Variants in FRMD5 observed in about 807,000 individuals in gnomAD.
FRMD5 encodes the protein FERM domain containing 5.
In FRMD5, 20 loss-of-function variants were observed where a neutral mutation model predicts 69.0. The observed-to-expected ratio is 0.29, with a 90% CI of 0.20 to 0.42. FRMD5 has a LOEUF of 0.42. Ranked by LOEUF, FRMD5 falls within the 10% of genes least tolerant of loss-of-function variation. FRMD5 has a pLI of 1.00. For missense variants in FRMD5, 595 were observed against 708.6 expected (o/e 0.84, Z 1.82); for synonymous variants, 271 against 260.1 (o/e 1.04, Z -0.40).
chr15:44,172,174 T>C (rs2077815887), intron 1 of FRMD5, among the ~76,000 whole-genome samples: 1 of 151,692 alleles, frequency 6.6e-6, no homozygotes, highest in African/African-American at 2.4e-5. Context: ...CACGGCAGCC[T>C]CGACCTCCTG....
intron 1 of FRMD5, among the ~76,000 whole-genome samples, chr15:44,194,038 C>T (rs1372483107): frequency 6.6e-6 from 1 of 152,188 alleles, no homozygotes; most frequent in African/African-American, 2.4e-5. Flanking sequence ...ATGAACTAAA[C>T]ACGGGAGCAT....
chr15:43,888,630 G>T (rs2088720976), intron 9 of FRMD5, among the ~76,000 whole-genome samples, 179 bp downstream of exon 9: 1 of 152,166 alleles, frequency 6.6e-6, no homozygotes, highest in Non-Finnish European at 1.5e-5. Context: ...CATCCCTGAG[G>T]AAGTCCTGTG....
chr15:43,964,699 C>G (rs1297501695), intron 1 of FRMD5, among the ~76,000 whole-genome samples: 1 of 152,058 alleles, frequency 6.6e-6, no homozygotes, highest in African/African-American at 2.4e-5. Flanking sequence ...AAAGCCAATT[C>G]CAGATGATGA....
At chr15:44,133,576 CAAAAA>C (rs11326330) in intron 1 of FRMD5, among the ~76,000 whole-genome samples, 1 of 86,958 alleles carries the variant, frequency 1.1e-5, no homozygotes, top group Non-Finnish European at 2.5e-5. Context: ...GAATCTGTCT[CAAAAA>C]AAAAAAAAAA....
chr15:44,153,106 T>C (rs914244974), intron 1 of FRMD5, among the ~76,000 whole-genome samples: 1 of 152,174 alleles, frequency 6.6e-6, no homozygotes, highest in African/African-American at 2.4e-5. Context: ...TTATGCACTA[T>C]TGGTGGGACT....
chr15:44,066,397 T>G (rs116815645), intron 1 of FRMD5, among the ~76,000 whole-genome samples: 1,547 of 152,170 alleles, frequency 0.01, 34 homozygotes, highest in African/African-American at 0.036. Flanking sequence ...GTGATAGGGA[T>G]TCAAAGATTG....
At chr15:44,033,549 A>G (rs753062623) in intron 1 of FRMD5, among the ~76,000 whole-genome samples, 2 of 152,208 alleles carry the variant, frequency 1.3e-5, no homozygotes, top group Non-Finnish European at 2.9e-5. Context: ...CATTGTGTAT[A>G]TTCACTTGAA....
intron 1 of FRMD5, among the ~76,000 whole-genome samples, chr15:44,185,334 GC>G (rs1039753733): frequency 6.6e-6 from 1 of 152,150 alleles, no homozygotes; most frequent in Non-Finnish European, 1.5e-5. Context: ...CTTCCAAATG[GC>G]CTCCCGAAGA....
At chr15:44,067,945 A>G (rs894920897) in intron 1 of FRMD5, among the ~76,000 whole-genome samples, 1 of 152,250 alleles carries the variant, frequency 6.6e-6, no homozygotes, top group African/African-American at 2.4e-5. Flanking sequence ...TATTTCTTCA[A>G]GTAAATACAA....
chr15:43,883,958 C>A, intron 12 of FRMD5, 149 bp from the exon 13 acceptor site: 1 of 634,206 alleles, frequency 1.6e-6, no homozygotes, highest in South Asian at 1.7e-5. Flanking sequence ...TTCTCTTTGC[C>A]TTTGGTCTCT....
chr15:44,049,094 A>C (rs768570247), intron 1 of FRMD5, among the ~76,000 whole-genome samples: 2 of 152,230 alleles, frequency 1.3e-5, no homozygotes, highest in Non-Finnish European at 2.9e-5. Flanking sequence ...GCCATGTCTT[A>C]GTTATCCATA....
At chr15:43,973,867 TCTC>T (rs1384017804) in intron 1 of FRMD5, among the ~76,000 whole-genome samples, 1 of 150,544 alleles carries the variant, frequency 6.6e-6, no homozygotes, top group African/African-American at 2.5e-5. Flanking sequence ...TTTCAAACAT[TCTC>T]CTACTAAGTC....
At chr15:44,007,697 G>A (rs575272811) in intron 1 of FRMD5, among the ~76,000 whole-genome samples, 15 of 137,696 alleles carry the variant, frequency 1.1e-4, no homozygotes, top group Admixed American at 3.8e-4. Context: ...CCAGGCTGGA[G>A]TGCAATGGCG....
Position 44,098,767 on chromosome 15 carries a change from A to G in FRMD5, c.102+96186T>C, listed in dbSNP as rs143262114. Among the ~76,000 whole-genome samples, 1,462 of 152,242 alleles carry G rather than the reference A, an allele frequency of 9.6e-3. 9 individuals are homozygous for G. The highest frequency in any genetic ancestry group is 0.024 in the Middle Eastern group (7 of 294). On this transcript the variant is annotated intron_variant, in intron 1 of 13. Transcript: ENST00000417257. ...TGCCTCCATTTTTTACATTCTCTTA[A>G]TTCCTTTAAACTTCATATATTAGAA...
At chr15:43,881,123 G>A (rs906265540) in intron 13 of FRMD5, among the ~76,000 whole-genome samples, 9 of 152,194 alleles carry the variant, frequency 5.9e-5, no homozygotes, top group African/African-American at 2.2e-4. Context: ...AAGTAGGCAT[G>A]CACAAGGCTC....
chr15:44,063,618 C>G, intron 1 of FRMD5: 1 of 515,388 alleles, frequency 1.9e-6, no homozygotes, highest in Non-Finnish European at 3.8e-6. Context: ...TCAATGATCC[C>G]TTTGTTGACC....
intron 4 of FRMD5, among the ~76,000 whole-genome samples, chr15:43,917,400 T>G (rs564435389): frequency 6.6e-6 from 1 of 151,674 alleles, no homozygotes; most frequent in Non-Finnish European, 1.5e-5. Context: ...TTGAAAAAAA[T>G]TTTTTTTTGA....
chr15:43,924,134 G>T, intron 2 of FRMD5, 71 bp downstream of exon 2: 1 of 1,157,402 alleles, frequency 8.6e-7, no homozygotes, highest in Non-Finnish European at 1.3e-6. Context: ...CTTTGAATAT[G>T]AATGACAGTT....
At chr15:44,108,965 A>AAAAATAAAATAAAAT (rs3986153) in intron 1 of FRMD5, among the ~76,000 whole-genome samples, 5,467 of 136,790 alleles carry the variant, frequency 0.04, 264 homozygotes, top group African/African-American at 0.11. Context: ...CTCTCTAAAT[A>AAAAATAAAATAAAAT]AAAATAAAAT....
Sources: gnomAD v4.1 joint callset for allele counts (sites outside exome capture counted in the v4.1 genomes callset) on GRCh38, gnomAD v4.1.1 for gene constraint, MANE v1.5 for transcripts, NCBI Gene and HGNC (gene_info 2026-07-23, HGNC 2026-07-21) for gene names.